The following KIAA0825 variants were observed in gnomAD, a reference collection of about 807,000 sequenced individuals.
The protein encoded by KIAA0825 is KIAA0825, also known as uncharacterized protein KIAA0825.
In KIAA0825, 119 loss-of-function variants were observed where a neutral mutation model predicts 147.6. That is an observed-to-expected ratio of 0.81 (90% CI 0.69 to 0.94). The LOEUF is 0.94. KIAA0825 is among the 40% of genes least tolerant of loss of function. KIAA0825 has a pLI of 0.00. For missense variants in KIAA0825, 1,381 were observed against 1,472.7 expected, an observed-to-expected ratio of 0.94 and a Z score of 1.02; for synonymous variants, 470 against 518.1, an observed-to-expected ratio of 0.91 and a Z score of 1.26.
At chr5:94,286,229 AG>A (rs1226908483) in intron 20 of KIAA0825, among the ~76,000 whole-genome samples, 1 of 152,204 alleles carries the variant, frequency 6.6e-6, no homozygotes, top group East Asian at 1.9e-4. Context: ...GACTTGGACA[AG>A]GTGGCATAAC....
intron 17 of KIAA0825, among the ~76,000 whole-genome samples, chr5:94,394,360 T>C (rs753629206): frequency 3.1e-4 from 47 of 152,218 alleles, no homozygotes; most frequent in Non-Finnish European, 5.7e-4. Context: ...TCAGAAACTT[T>C]GAGGGCTGTA....
intron 13 of KIAA0825, among the ~76,000 whole-genome samples, 200 bp from the exon 14 acceptor site, chr5:94,440,321 A>G (rs1412754614): frequency 6.6e-6 from 1 of 152,196 alleles, no homozygotes. Flanking sequence ...AAGCAAACTA[A>G]CATTTGGTAC....
At chr5:94,307,605 G>T (rs1257863637) in intron 20 of KIAA0825, among the ~76,000 whole-genome samples, 1 of 151,328 alleles carries the variant, frequency 6.6e-6, no homozygotes, top group East Asian at 1.9e-4. Context: ...CTCCTTGCTC[G>T]CATCTTTTGC....
intron 14 of KIAA0825, among the ~76,000 whole-genome samples, chr5:94,432,396 T>G (rs945070484): frequency 6.6e-6 from 1 of 151,958 alleles, no homozygotes; most frequent in Non-Finnish European, 1.5e-5. Context: ...TCCCACTACC[T>G]CCCCTAGAAG....
intron 2 of KIAA0825, among the ~76,000 whole-genome samples, chr5:94,565,187 C>T (rs1778468093): frequency 1.4e-5 from 2 of 145,416 alleles, no homozygotes; most frequent in South Asian, 4.3e-4. Flanking sequence ...CCTGCTTTGG[C>T]ATGCCAAAGT....
chr5:94,164,415 AT>A (rs35874579), intron 20 of KIAA0825, among the ~76,000 whole-genome samples: 13,994 of 142,846 alleles, frequency 0.098, 742 homozygotes, highest in Middle Eastern at 0.16. Flanking sequence ...CAGTGAACTT[AT>A]TTTTTTTTTT....
In KIAA0825 at chr5:94,269,144, C is replaced by G. The variant is rs140354061; in HGVS notation, c.3711-115020G>C. Among the ~76,000 whole-genome samples, 266 of 152,122 alleles carry G rather than the reference C, an allele frequency of 1.7e-3. 1 individual carries two copies. The highest frequency in any genetic ancestry group is 6.3e-3 in the African/African-American group (261 of 41,494). On this transcript the variant is annotated intron_variant, in intron 20 of 20. Coordinates refer to ENST00000682413, the MANE Select transcript of KIAA0825 (RefSeq NM_001145678.3). ...CCTAAAGGTGCCATCGTTAAATAAT[C>G]AAAATTAGTCTCTTTACTGAGAGCT...
At chr5:94,293,327 T>C (rs535406236) in intron 20 of KIAA0825, among the ~76,000 whole-genome samples, 1 of 152,340 alleles carries the variant, frequency 6.6e-6, no homozygotes, top group African/African-American at 2.4e-5. Context: ...TTCTCATTGG[T>C]TTCAAAGAAC....
chr5:94,465,308 A>G (rs1272691278), intron 10 of KIAA0825, among the ~76,000 whole-genome samples: 1 of 152,218 alleles, frequency 6.6e-6, no homozygotes, highest in African/African-American at 2.4e-5. Context: ...GCCTTGATTT[A>G]CCTACGCCTA....
At chr5:94,607,023 C>T (rs528847359) in intron 1 of KIAA0825, among the ~76,000 whole-genome samples, 31 of 152,160 alleles carry the variant, frequency 2.0e-4, no homozygotes, top group Non-Finnish European at 4.3e-4. Flanking sequence ...ATGATCCAAA[C>T]ACCTCCCAAT....
chr5:94,403,984 T>A (rs1751720960), intron 15 of KIAA0825, among the ~76,000 whole-genome samples, 191 bp from the exon 16 acceptor site: 1 of 152,196 alleles, frequency 6.6e-6, no homozygotes, highest in Admixed American at 6.5e-5. Flanking sequence ...TTCTTTGTAA[T>A]AAAATGAATG....
chr5:94,280,797 G>A (rs748128371), intron 20 of KIAA0825, among the ~76,000 whole-genome samples: 3 of 152,154 alleles, frequency 2.0e-5, no homozygotes, highest in South Asian at 2.1e-4. Flanking sequence ...TGGTGCAGAC[G>A]GTTACTAAAC....
rs183753503 is a variant in KIAA0825, at chr5:94,290,015, C to G, written c.3710+94353G>C. Among the ~76,000 whole-genome samples the G allele has an allele frequency of 6.0e-5, 9 of 150,916 alleles. No homozygotes were observed. The East Asian group carries it at 1.6e-3, about 26-fold the overall frequency. The stretch of plus-strand genomic sequence containing the variant: ...AACATTGCACAGTGAGACAAAAGCC[C>G]TTGTCCTACTGACTTTGCCATTTTA... On this transcript the variant is annotated intron_variant, in intron 20 of 20. Transcript: ENST00000682413.
chr5:94,181,510 A>G (rs1769610347), intron 20 of KIAA0825, among the ~76,000 whole-genome samples: 1 of 152,228 alleles, frequency 6.6e-6, no homozygotes, highest in Non-Finnish European at 1.5e-5. Flanking sequence ...AAAGACCATA[A>G]TTTAAACCAT....
At chr5:94,399,252 T>C (rs1751061864) in intron 16 of KIAA0825, among the ~76,000 whole-genome samples, 2 of 152,180 alleles carry the variant, frequency 1.3e-5, no homozygotes, top group South Asian at 4.1e-4. Context: ...CTTTTTGTGT[T>C]TGTATCTCAT....
chr5:94,359,530 G>A lies in KIAA0825; in HGVS notation c.3710+24838C>T, dbSNP rs899713304. 2.6e-5 allele frequency among the ~76,000 whole-genome samples: 4 copies of A among 152,268 alleles called. No individual in the cohort carries two copies. In the East Asian group the frequency reaches 5.8e-4, roughly 22 times the overall value. On this transcript the variant is annotated intron_variant, in intron 20 of 20. Transcript: ENST00000682413. ...CTAATACTTGGGGAGGCCGAGATGG[G>A]ATGATTGCTTCAGGTCAGGAGTTCA...
intron 20 of KIAA0825, among the ~76,000 whole-genome samples, chr5:94,296,709 C>G (rs1321259958): frequency 6.6e-6 from 1 of 152,156 alleles, no homozygotes; most frequent in Non-Finnish European, 1.5e-5. Context: ...CTCCCCACTT[C>G]TGCTTGCCCT....
intron 1 of KIAA0825, among the ~76,000 whole-genome samples, chr5:94,615,348 C>CT (rs1790152052): frequency 6.6e-6 from 1 of 152,110 alleles, no homozygotes; most frequent in Admixed American, 6.6e-5. Flanking sequence ...ATACCCAGAG[C>CT]TTTTGCACAC....
chr5:94,531,189 T>G (rs1001607689), intron 3 of KIAA0825, among the ~76,000 whole-genome samples: 1 of 152,072 alleles, frequency 6.6e-6, no homozygotes, highest in Non-Finnish European at 1.5e-5. Context: ...GTAACAATTA[T>G]CCAACAGAGC....
Sources: allele counts gnomAD v4.1 joint callset (sites outside exome capture counted in the v4.1 genomes callset), GRCh38; gene constraint gnomAD v4.1.1; transcripts MANE v1.5; gene names NCBI Gene and HGNC (gene_info 2026-07-23, HGNC 2026-07-21).